RBMS3: variants seen among roughly 807,000 people sequenced by gnomAD.
RBMS3 encodes RNA binding motif single stranded interacting protein 3.
A neutral mutation model predicts 66.8 loss-of-function variants in RBMS3; 27 were observed. The observed-to-expected ratio is 0.40, with a 90% CI of 0.30 to 0.56. The LOEUF (loss-of-function observed/expected upper bound fraction) is 0.56, where lower values mean the gene tolerates loss of function less well. Among genes scored for constraint, RBMS3 ranks in the 20% least tolerant of loss-of-function variants. The probability of loss-of-function intolerance (pLI) is 0.40; values close to 1 mark genes in which losing one functional copy is unlikely to be tolerated. For missense variants in RBMS3, 513 were observed against 549.5 expected, an observed-to-expected ratio of 0.93 and a Z score of 0.66; for synonymous variants, 188 against 183.0, an observed-to-expected ratio of 1.03 and a Z score of -0.22.
At chr3:29,676,526 C>T (rs953799563) in intron 4 of RBMS3, among the ~76,000 whole-genome samples, 6 of 152,202 alleles carry the variant, frequency 3.9e-5, no homozygotes. Flanking sequence ...CTTCTACATT[C>T]AGTTTTATAA....
chr3:29,591,195 C>A (rs1018174867), intron 4 of RBMS3, among the ~76,000 whole-genome samples: 1 of 152,176 alleles, frequency 6.6e-6, no homozygotes, highest in South Asian at 2.1e-4. Flanking sequence ...AGGTGACATG[C>A]ATACATACAT....
chr3:29,574,562 T>C (rs2047051998), intron 3 of RBMS3, among the ~76,000 whole-genome samples: 1 of 152,142 alleles, frequency 6.6e-6, no homozygotes, highest in Non-Finnish European at 1.5e-5. Flanking sequence ...CAATCAATGT[T>C]ATTATTGATA....
At chr3:29,874,109 A>G (rs1051694471) in intron 7 of RBMS3, among the ~76,000 whole-genome samples, 20 of 152,212 alleles carry the variant, frequency 1.3e-4, no homozygotes, top group African/African-American at 4.8e-4. Context: ...CCAGCTCATT[A>G]AACATTTGAC....
intron 14 of RBMS3, among the ~76,000 whole-genome samples, chr3:30,003,557 A>G (rs1240041077): frequency 6.6e-6 from 1 of 152,058 alleles, no homozygotes; most frequent in East Asian, 1.9e-4. Flanking sequence ...GGAATTAGTG[A>G]TGATTCCTAT....
At chr3:29,831,420 G>T (rs35088948) in intron 6 of RBMS3, among the ~76,000 whole-genome samples, 32,409 of 151,950 alleles carry the variant, frequency 0.21, 4,460 homozygotes, top group Non-Finnish European at 0.31. Flanking sequence ...AAAATAATGT[G>T]TGAAGCATTT....
At chr3:29,286,839 G>T (rs1302541846) in intron 1 of RBMS3, among the ~76,000 whole-genome samples, 1 of 152,082 alleles carries the variant, frequency 6.6e-6, no homozygotes. Context: ...AACAAAAAAA[G>T]TATTTTCTTT....
intron 1 of RBMS3, among the ~76,000 whole-genome samples, chr3:29,362,652 A>T (rs1181234388): frequency 6.6e-6 from 1 of 152,144 alleles, no homozygotes; most frequent in East Asian, 1.9e-4. Flanking sequence ...ATCCTATTCT[A>T]CCATCTTGGA....
chr3:29,465,087 T>C (rs2042492470), intron 2 of RBMS3, among the ~76,000 whole-genome samples: 1 of 152,224 alleles, frequency 6.6e-6, no homozygotes, highest in African/African-American at 2.4e-5. Flanking sequence ...CATTAATTTA[T>C]CTAGTGCAAT....
chr3:29,353,952 C>T (rs2037070131), intron 1 of RBMS3, among the ~76,000 whole-genome samples: 1 of 152,078 alleles, frequency 6.6e-6, no homozygotes, highest in Non-Finnish European at 1.5e-5. Flanking sequence ...TTTGAAATCA[C>T]ATTGGCTGAC....
At chr3:29,742,484 A>G (rs909968979) in intron 5 of RBMS3, among the ~76,000 whole-genome samples, 3 of 152,122 alleles carry the variant, frequency 2.0e-5, no homozygotes, top group Non-Finnish European at 4.4e-5. Flanking sequence ...TTGCCTGGTT[A>G]TACTTTCCAT....
intron 1 of RBMS3, among the ~76,000 whole-genome samples, chr3:29,318,652 C>G (rs563102865): frequency 5.9e-5 from 9 of 152,036 alleles, no homozygotes; most frequent in East Asian, 1.9e-4. Context: ...TGTAGGTCAT[C>G]ATGGATTAGC....
intron 4 of RBMS3, among the ~76,000 whole-genome samples, chr3:29,694,867 A>G (rs1277859876): frequency 1.3e-5 from 2 of 150,900 alleles, no homozygotes; most frequent in Non-Finnish European, 2.9e-5. Context: ...TTTTTAAAAA[A>G]AAAATACAAG....
At chr3:29,920,528 T>A (rs534363575) in intron 10 of RBMS3, among the ~76,000 whole-genome samples, 1 of 152,228 alleles carries the variant, frequency 6.6e-6, no homozygotes, top group Non-Finnish European at 1.5e-5. Context: ...GATTTAACCA[T>A]GTGAGTTCAC....
chr3:29,357,602 T>C (rs2037302984), intron 1 of RBMS3, among the ~76,000 whole-genome samples: 3 of 152,188 alleles, frequency 2.0e-5, no homozygotes, highest in South Asian at 4.1e-4. Context: ...TTTCTAGTTC[T>C]AGATCCCTGA....
intron 11 of RBMS3, 22 bp from the exon 12 acceptor site, chr3:29,944,185 C>T (rs766133844): frequency 5.8e-5 from 91 of 1,564,914 alleles, no homozygotes; most frequent in Non-Finnish European, 7.7e-5. Context: ...TGCATTCTTT[C>T]TCATGCTCTT....
chr3:29,750,593 C>T (rs1253160306), intron 5 of RBMS3, among the ~76,000 whole-genome samples: 2 of 151,970 alleles, frequency 1.3e-5, no homozygotes, highest in African/African-American at 2.4e-5. Flanking sequence ...TGTGCAGGTT[C>T]GTTATATAGG....
At chr3:29,561,988 G>A (rs546777688) in intron 3 of RBMS3, among the ~76,000 whole-genome samples, 1 of 152,148 alleles carries the variant, frequency 6.6e-6, no homozygotes, top group South Asian at 2.1e-4. Context: ...TTTGTTGGAT[G>A]CATACATATG....
chr3:29,356,861 G>C (rs1364344596), intron 1 of RBMS3, among the ~76,000 whole-genome samples: 1 of 152,046 alleles, frequency 6.6e-6, no homozygotes, highest in Non-Finnish European at 1.5e-5. Flanking sequence ...GCTGCTGAGA[G>C]GACCAAATGA....
chr3:29,701,817 G>C (rs1367177747), intron 4 of RBMS3, among the ~76,000 whole-genome samples: 2 of 150,396 alleles, frequency 1.3e-5, no homozygotes, highest in Non-Finnish European at 2.9e-5. Flanking sequence ...GCGGGGCAGG[G>C]CTTGGGACCT....
Sources: allele counts gnomAD v4.1 joint callset (sites outside exome capture counted in the v4.1 genomes callset), GRCh38; gene constraint gnomAD v4.1.1; transcripts MANE v1.5; gene names NCBI Gene and HGNC (gene_info 2026-07-23, HGNC 2026-07-21).